The following NCKAP5 variants were observed in gnomAD, a reference collection of about 807,000 sequenced individuals.
NCKAP5 encodes the protein NCK associated protein 5, also known as nck-associated protein 5.
In NCKAP5, 92 loss-of-function variants were observed where a neutral mutation model predicts 167.0. The observed-to-expected ratio is 0.55, with a 90% CI of 0.47 to 0.66. The LOEUF (loss-of-function observed/expected upper bound fraction) is 0.66, where lower values mean the gene tolerates loss of function less well. Among genes scored for constraint, NCKAP5 ranks in the 30% least tolerant of loss-of-function variants. The probability of loss-of-function intolerance (pLI) is 0.00; values close to 1 mark genes in which losing one functional copy is unlikely to be tolerated. For synonymous variants in NCKAP5, 891 were observed against 877.4 expected (o/e 1.02, Z -0.27); for missense variants, 2,378 against 2,315.0 (o/e 1.03, Z -0.56).
chr2:133,011,095 A>G (rs1469874187), intron 6 of NCKAP5, among the ~76,000 whole-genome samples: 1 of 152,202 alleles, frequency 6.6e-6, no homozygotes, highest in Non-Finnish European at 1.5e-5. Flanking sequence ...AATATACTAC[A>G]TTGATTAAGC....
At chr2:133,412,338 CA>C (rs1384417491) in intron 3 of NCKAP5, among the ~76,000 whole-genome samples, 1 of 152,184 alleles carries the variant, frequency 6.6e-6, no homozygotes, top group Non-Finnish European at 1.5e-5. Flanking sequence ...TTCCAGACTC[CA>C]AAACTGTGAG....
chr2:133,112,379 C>T (rs563714168), intron 6 of NCKAP5, among the ~76,000 whole-genome samples: 4 of 151,964 alleles, frequency 2.6e-5, no homozygotes, highest in African/African-American at 4.8e-5. Flanking sequence ...GAGGCTGAGG[C>T]GGAAGAATAG....
intron 2 of NCKAP5, among the ~76,000 whole-genome samples, chr2:133,550,490 CA>C (rs1687192838): frequency 6.7e-6 from 1 of 150,236 alleles, no homozygotes; most frequent in Non-Finnish European, 1.5e-5. Context: ...GAGCCAAAGA[CA>C]AAAACCACAG....
chr2:133,355,134 CT>C (rs1684622836), intron 3 of NCKAP5, among the ~76,000 whole-genome samples: 2 of 152,070 alleles, frequency 1.3e-5, no homozygotes, highest in Non-Finnish European at 2.9e-5. Context: ...CTTTTTGTAG[CT>C]TAAGTTTTCT....
chr2:133,379,232 A>G (rs1686355050), intron 3 of NCKAP5, among the ~76,000 whole-genome samples: 2 of 152,240 alleles, frequency 1.3e-5, no homozygotes, highest in South Asian at 4.1e-4. Flanking sequence ...TAACAAATAA[A>G]TTAATAAAGC....
intron 6 of NCKAP5, among the ~76,000 whole-genome samples, chr2:133,071,089 C>T (rs912791520): frequency 6.6e-6 from 1 of 152,034 alleles, no homozygotes; most frequent in Admixed American, 6.5e-5. Flanking sequence ...AAAGGTGACA[C>T]TAAAGAAGCA....
intron 6 of NCKAP5, among the ~76,000 whole-genome samples, chr2:133,021,580 T>C (rs2078529459): frequency 6.6e-6 from 1 of 152,244 alleles, no homozygotes; most frequent in Non-Finnish European, 1.5e-5. Context: ...ATGCACATGA[T>C]GCTTAATCCA....
At chr2:133,640,522 C>T in the NCKAP5 span, among the ~76,000 whole-genome samples, 9 of 152,170 alleles carry the variant, frequency 5.9e-5, no homozygotes, top group Non-Finnish European at 1.0e-4. Context: ...TTTTAAATAA[C>T]GAAGCAAACT....
At position 132,935,197 on chromosome 2, in the gene NCKAP5, T is replaced by A. The variant is rs142777153; in HGVS notation, c.579+28523A>T. On this transcript the variant is annotated intron_variant, in intron 8 of 19. Coordinates refer to ENST00000409261, the MANE Select transcript of NCKAP5 (RefSeq NM_207363.3). ...TTGGGTGATATGTTAAGTAGATTTG[T>A]AGATTGGATTGATGACAGCCATTTA... Among the ~76,000 whole-genome samples the A allele has an allele frequency of 5.0e-4, 76 of 152,314 alleles. 1 individual carries two copies. In the East Asian group the frequency reaches 6.0e-3, roughly 12 times the overall value.
At chr2:132,681,020 T>A (rs556155930) in intron 19 of NCKAP5, among the ~76,000 whole-genome samples, 1 of 152,294 alleles carries the variant, frequency 6.6e-6, no homozygotes, top group East Asian at 1.9e-4. Flanking sequence ...AAGTAAAATG[T>A]GCACTATTTT....
intron 8 of NCKAP5, among the ~76,000 whole-genome samples, chr2:132,904,161 G>A (rs1404886178): frequency 1.3e-5 from 2 of 151,898 alleles, no homozygotes; most frequent in African/African-American, 4.8e-5. Flanking sequence ...GGTGGCGAGT[G>A]CTTGTAGTCC....
intron 6 of NCKAP5, among the ~76,000 whole-genome samples, chr2:133,064,657 A>G (rs1241063393): frequency 6.6e-6 from 1 of 152,204 alleles, no homozygotes; most frequent in African/African-American, 2.4e-5. Context: ...ATAAAAATAA[A>G]TGTTACTGTC....
At chr2:133,444,630 C>T (rs1008255567) in intron 3 of NCKAP5, among the ~76,000 whole-genome samples, 2 of 152,180 alleles carry the variant, frequency 1.3e-5, no homozygotes, top group African/African-American at 2.4e-5. Context: ...TCAGGAAACT[C>T]TTAGAGGTCT....
rs780384987 is a variant in NCKAP5 at position 132,783,746 on chromosome 2, G to A, written c.3065C>T (p.Ala1022Val). ...PEAVIQTRCP[A>V]HAPSSSFTVM... ...GGTGAAGGAGCTGGAGGGGGCATGA[G>A]CAGGGCATCGGGTTTGAATGACTGC... Residue 1022 changes from alanine (A) to valine (V), a missense_variant, in exon 14 of 20, where the codon GCT becomes GTT. This residue lies in a region of NCKAP5 where 1,325 missense variants were observed against 1,274.5 expected (regional missense o/e 1.04). Coordinates refer to ENST00000409261, the MANE Select transcript of NCKAP5 (RefSeq NM_207363.3). 87 of 1,602,894 alleles carry A rather than the reference G, an allele frequency of 5.4e-5. No homozygotes were observed. Among genetic ancestry groups the A allele is most frequent in the Middle Eastern group, 1.7e-4 (1 of 5,980 alleles).
rs111861429 is a variant in NCKAP5 at position 132,781,095 on chromosome 2, T to A, written c.5006A>T (p.Asn1669Ile). The change falls in exon 15 of 20, where the codon AAC becomes ATC. Residue 1669 changes from asparagine to isoleucine, a missense_variant. Physicochemically the swap from Asn to Ile is moderately radical, Grantham distance 149. Around this residue, in one of 3 missense-constraint regions of NCKAP5, gnomAD observed 1,325 missense variants for 1,274.5 expected, o/e 1.04. Transcript: ENST00000409261. ...TTCCATATCGGCTTTGATTTTCATGTTTTTCTTGTGGTTTCCTTGAGTACT... is the reference window on the plus strand; with the variant it reads ...TTCCATATCGGCTTTGATTTTCATGATTTTCTTGTGGTTTCCTTGAGTACT... ...SISTQGNHKK[N>I]MKIKADMEVP... 455 of 1,613,724 alleles carry A rather than the reference T, an allele frequency of 2.8e-4. 1 individual carries two copies. In the African/African-American group the frequency reaches 4.8e-3, roughly 17 times the overall value.
rs570244828 is a variant in NCKAP5, at chr2:133,566,720, T to C, written c.-130+1496A>G. ...TTTGCCACCATCTTACTGGGTGCTC[T>C]TGGACAATCACTTCTCTTCCTTGTG... is the stretch of plus-strand genomic sequence containing the variant. On this transcript the variant is annotated intron_variant, in intron 1 of 19. Transcript: ENST00000409261. 7.2e-5 allele frequency among the ~76,000 whole-genome samples: 11 copies of C among 152,370 alleles called. 1 individual carries two copies. In the East Asian group the frequency reaches 1.2e-3, roughly 16 times the overall value.
chr2:133,415,484 G>A (rs1689052398), intron 3 of NCKAP5, among the ~76,000 whole-genome samples: 1 of 152,192 alleles, frequency 6.6e-6, no homozygotes, highest in South Asian at 2.1e-4. Flanking sequence ...GCAAGCCTGT[G>A]ATAGCCAGCT....
At chr2:133,022,072 T>C (rs1363702168) in intron 6 of NCKAP5, among the ~76,000 whole-genome samples, 1 of 152,210 alleles carries the variant, frequency 6.6e-6, no homozygotes, top group Non-Finnish European at 1.5e-5. Context: ...ACAGCACACT[T>C]GATGGGATGT....
At chr2:133,254,172 C>T (rs1322561712) in intron 4 of NCKAP5, among the ~76,000 whole-genome samples, 1 of 152,186 alleles carries the variant, frequency 6.6e-6, no homozygotes, top group African/African-American at 2.4e-5. Context: ...CTGTGGCATG[C>T]TGTGATCTAT....
Sources: gnomAD v4.1 joint callset for allele counts (sites outside exome capture counted in the v4.1 genomes callset) on GRCh38, gnomAD v4.1.1 for gene constraint, gnomAD v4.1.1 regional missense constraint, MANE v1.5 for transcripts, NCBI Gene and HGNC (gene_info 2026-07-23, HGNC 2026-07-21) for gene names.